The following PDE8B variants were observed in gnomAD, a reference collection of about 807,000 sequenced individuals.
PDE8B encodes the protein phosphodiesterase 8B, also known as high affinity cAMP-specific and IBMX-insensitive 3',5'-cyclic phosphodiesterase 8B.
In PDE8B, 26 loss-of-function variants were observed where a neutral mutation model predicts 101.3. The ratio of observed to expected loss-of-function variants is 0.26; its 90% CI spans 0.19 to 0.36. PDE8B has a LOEUF of 0.36. Ranked by LOEUF, PDE8B falls within the 10% of genes least tolerant of loss-of-function variation. The pLI is 1.00. For synonymous variants in PDE8B, 424 were observed against 429.3 expected, an observed-to-expected ratio of 0.99 and a Z score of 0.15; for missense variants, 810 against 1,163.1, an observed-to-expected ratio of 0.70 and a Z score of 4.42.
At chr5:77,295,385 C>T (rs1195204060) in intron 1 of PDE8B, among the ~76,000 whole-genome samples, 2 of 152,100 alleles carry the variant, frequency 1.3e-5, no homozygotes, top group Admixed American at 6.5e-5. Flanking sequence ...CTTTGGGGTA[C>T]GTTAGCTTCT....
At chr5:77,293,951 G>A (rs559556015) in intron 1 of PDE8B, among the ~76,000 whole-genome samples, 6 of 152,174 alleles carry the variant, frequency 3.9e-5, no homozygotes, top group Admixed American at 6.5e-5. Flanking sequence ...ATATAAGTCC[G>A]GTATCACATT....
At chr5:77,382,011 T>C (rs1378499836) in intron 10 of PDE8B, among the ~76,000 whole-genome samples, 2 of 152,198 alleles carry the variant, frequency 1.3e-5, no homozygotes, top group Non-Finnish European at 2.9e-5. Flanking sequence ...TCTGATTTCG[T>C]CTTGTTTATT....
At chr5:77,336,661 A>G (rs1008011703) in intron 5 of PDE8B, among the ~76,000 whole-genome samples, 14 of 152,204 alleles carry the variant, frequency 9.2e-5, no homozygotes, top group African/African-American at 3.1e-4. Flanking sequence ...CCTTTTGGCT[A>G]TGGTGAATGA....
intron 1 of PDE8B, among the ~76,000 whole-genome samples, chr5:77,297,121 C>T (rs1262394605): frequency 6.6e-6 from 1 of 152,120 alleles, no homozygotes; most frequent in African/African-American, 2.4e-5. Context: ...GGAGACAGAA[C>T]AAAGAAAGCA....
intron 1 of PDE8B, among the ~76,000 whole-genome samples, chr5:77,251,720 T>C (rs547152022): frequency 6.6e-6 from 1 of 152,342 alleles, no homozygotes; most frequent in East Asian, 1.9e-4. Context: ...TGTGTCTGTG[T>C]CGTATTCCAG....
chr5:77,219,845 A>G (rs1021082151), intron 1 of PDE8B, among the ~76,000 whole-genome samples: 2 of 152,194 alleles, frequency 1.3e-5, no homozygotes. Flanking sequence ...TGTGATGCTC[A>G]AAAGAAGGAT....
intron 10 of PDE8B, among the ~76,000 whole-genome samples, chr5:77,356,106 C>T (rs1227543938): frequency 6.6e-6 from 1 of 152,140 alleles, no homozygotes; most frequent in African/African-American, 2.4e-5. Flanking sequence ...TTGGATGTTC[C>T]ATTTTCTTAG....
intron 10 of PDE8B, among the ~76,000 whole-genome samples, chr5:77,357,803 C>T (rs1375173210): frequency 6.6e-6 from 1 of 152,204 alleles, no homozygotes; most frequent in Non-Finnish European, 1.5e-5. Flanking sequence ...CCCTCTTTTG[C>T]CTTCTCTCTT....
At chr5:77,122,018 C>T in the PDE8B span, among the ~76,000 whole-genome samples, 1 of 152,186 alleles carries the variant, frequency 6.6e-6, no homozygotes, top group African/African-American at 2.4e-5. Flanking sequence ...GTTACATTCC[C>T]TGCTGATGCA....
chr5:77,233,062 A>T (rs1424098902), intron 1 of PDE8B, among the ~76,000 whole-genome samples: 1 of 151,920 alleles, frequency 6.6e-6, no homozygotes, highest in Non-Finnish European at 1.5e-5. Flanking sequence ...GGAAACCATG[A>T]TTTCACTCTG....
chr5:77,178,866 G>C, the PDE8B span, among the ~76,000 whole-genome samples: 1 of 152,218 alleles, frequency 6.6e-6, no homozygotes, highest in African/African-American at 2.4e-5. Context: ...CTTGAACAAA[G>C]GCACCCTCAG....
chr5:77,243,462 A>G (rs530888364), intron 1 of PDE8B, among the ~76,000 whole-genome samples: 2 of 152,346 alleles, frequency 1.3e-5, no homozygotes, highest in African/African-American at 2.4e-5. Flanking sequence ...TAGTTTTAGA[A>G]CATTTCATTA....
At chr5:77,204,733 T>C in the PDE8B span, among the ~76,000 whole-genome samples, 31 of 152,194 alleles carry the variant, frequency 2.0e-4, no homozygotes, top group Admixed American at 7.9e-4. Context: ...AAAGTTCTTG[T>C]TGAGGCCCAA....
At chr5:77,246,731 A>G (rs1757030273) in intron 1 of PDE8B, 1 of 152,186 alleles carries the variant, frequency 6.6e-6, no homozygotes. Context: ...CTTTACAGAA[A>G]AAGTTTGCCA....
rs146485963 is a variant in PDE8B, at chr5:77,407,449, A to G, written c.1357A>G (p.Ile453Val). Reference sequence around the variant, plus strand: ...CCACTCCATGACCATCGAGGCTCCCATCACAAAGGTGAGTGGCGGCTGCTG... The same window carrying G: ...CCACTCCATGACCATCGAGGCTCCCGTCACAAAGGTGAGTGGCGGCTGCTG... ...RIHSMTIEAPITKVINIINAA... is the reference protein window; with the variant it reads ...RIHSMTIEAPVTKVINIINAA... The change falls in exon 13 of 22, where the codon ATC becomes GTC. Residue 453 changes from isoleucine to valine, a missense_variant. Around this residue, in one of 4 missense-constraint regions of PDE8B, gnomAD observed 325 missense variants for 560.9 expected, o/e 0.58. Transcript: ENST00000264917. The G allele has an allele frequency of 1.2e-6, 2 of 1,613,186 alleles. No homozygotes were observed. The highest frequency in any genetic ancestry group is 1.7e-6 in the Non-Finnish European group (2 of 1,179,248).
At chr5:77,176,880 G>A in the PDE8B span, among the ~76,000 whole-genome samples, 4,922 of 152,252 alleles carry the variant, frequency 0.032, 184 homozygotes, top group African/African-American at 0.084. Flanking sequence ...GCCATGGGGA[G>A]CATGAGAGCA....
chr5:77,346,008 G>A (rs1056678136), intron 7 of PDE8B, among the ~76,000 whole-genome samples: 4 of 152,194 alleles, frequency 2.6e-5, no homozygotes, highest in Non-Finnish European at 5.9e-5. Context: ...TATTCAATAA[G>A]GGTAGGCAAG....
chr5:77,418,848 C>T (rs535607115), intron 18 of PDE8B, among the ~76,000 whole-genome samples: 5 of 152,230 alleles, frequency 3.3e-5, no homozygotes, highest in African/African-American at 7.2e-5. Flanking sequence ...AGCGGGAGCA[C>T]GAAGGGTGGG....
rs376320000 is a variant in PDE8B, at chr5:77,359,564, T to A, written c.1167+6158T>A. Reference sequence around the variant, plus strand: ...TCGAGGATGTTTATAAGGCAATGGATGTTTGTTTATAAGGTATCCCTATGG... The same window carrying A: ...TCGAGGATGTTTATAAGGCAATGGAAGTTTGTTTATAAGGTATCCCTATGG... On this transcript the variant is annotated intron_variant, in intron 10 of 21. Coordinates refer to ENST00000264917, the MANE Select transcript of PDE8B (RefSeq NM_003719.5). 2.8e-4 allele frequency among the ~76,000 whole-genome samples: 43 copies of A among 152,242 alleles called. 1 individual carries two copies. The East Asian group carries it at 6.6e-3, about 23-fold the overall frequency.
Sources: gnomAD v4.1 joint callset for allele counts (sites outside exome capture counted in the v4.1 genomes callset) on GRCh38, gnomAD v4.1.1 for gene constraint, gnomAD v4.1.1 regional missense constraint, MANE v1.5 for transcripts, NCBI Gene and HGNC (gene_info 2026-07-23, HGNC 2026-07-21) for gene names.